The following GRM8 variants were observed in gnomAD, a reference collection of about 807,000 sequenced individuals.
GRM8 encodes metabotropic glutamate receptor 8.
GRM8 carries 47 observed loss-of-function variants against 87.2 expected under a neutral mutation model. That is an observed-to-expected ratio of 0.54 (90% confidence interval 0.43 to 0.69). The LOEUF (loss-of-function observed/expected upper bound fraction) is 0.69. GRM8 is among the 30% of genes least tolerant of loss of function. The pLI, the probability that GRM8 is intolerant of heterozygous loss-of-function variation, is 0.00. For missense variants in GRM8, 1,019 were observed against 1,139.2 expected, an observed-to-expected ratio of 0.89 and a Z score of 1.52; for synonymous variants, 396 against 404.5, an observed-to-expected ratio of 0.98 and a Z score of 0.25.
chr7:127,069,689 A>C (rs1821490459), intron 3 of GRM8, among the ~76,000 whole-genome samples: 3 of 152,208 alleles, frequency 2.0e-5, no homozygotes, highest in Admixed American at 2.0e-4. Context: ...GTGATATTCT[A>C]TATGCTGATT....
In GRM8 at chr7:126,685,228, G is replaced by T. The variant is rs190370054; in HGVS notation, c.1358-75730C>A. 7.4e-4 allele frequency among the ~76,000 whole-genome samples: 113 copies of T among 152,320 alleles called. 1 individual carries two copies. The highest frequency in any genetic ancestry group is 2.6e-3 in the African/African-American group (107 of 41,580). On this transcript the variant is annotated intron_variant, in intron 7 of 10. Coordinates refer to ENST00000339582, the MANE Select transcript of GRM8 (RefSeq NM_000845.3). The surrounding 1 kb of genome is among the most constrained non-coding windows in gnomAD (Gnocchi z 4.2). ...GGGACCCCCTGGAGCCTACCACCCT[G>T]GGGGCCACCATGATGGGGCCGGGCC...
intron 3 of GRM8, among the ~76,000 whole-genome samples, chr7:126,914,471 T>A (rs1803658460): frequency 6.6e-6 from 1 of 152,168 alleles, no homozygotes; most frequent in African/African-American, 2.4e-5. Flanking sequence ...CATGCACCTA[T>A]ATGTTCCCCA....
At chr7:127,166,218 A>T (rs1160710217) in intron 2 of GRM8, among the ~76,000 whole-genome samples, 1 of 152,150 alleles carries the variant, frequency 6.6e-6, no homozygotes, top group Non-Finnish European at 1.5e-5. Context: ...GAAGCAATAA[A>T]TATAAATAAA....
intron 6 of GRM8, among the ~76,000 whole-genome samples, chr7:126,816,971 C>A (rs1322084897): frequency 1.3e-5 from 2 of 151,906 alleles, no homozygotes; most frequent in African/African-American, 2.4e-5. Flanking sequence ...CATTATATAT[C>A]TTTAAGAAAT....
intron 3 of GRM8, among the ~76,000 whole-genome samples, chr7:127,006,463 T>C (rs182963618): frequency 1.3e-5 from 2 of 152,144 alleles, no homozygotes; most frequent in Non-Finnish European, 2.9e-5. Context: ...GGGTATCTAC[T>C]CTACCCGCTT....
chr7:127,105,037 T>C (rs1344393473), intron 3 of GRM8, among the ~76,000 whole-genome samples: 2 of 152,218 alleles, frequency 1.3e-5, no homozygotes, highest in Admixed American at 6.5e-5. Flanking sequence ...ACATACTCTA[T>C]TAGTTTTCTC....
intron 2 of GRM8, among the ~76,000 whole-genome samples, chr7:127,129,808 T>TGGACC (rs1827576816): frequency 6.6e-6 from 1 of 152,216 alleles, no homozygotes; most frequent in South Asian, 2.1e-4. Flanking sequence ...TTTCTGAATT[T>TGGACC]GGACCGCTGT....
chr7:127,161,282 G>A (rs1793099579), intron 2 of GRM8, among the ~76,000 whole-genome samples: 1 of 152,130 alleles, frequency 6.6e-6, no homozygotes. Flanking sequence ...AAAGAGGAGG[G>A]AAACATCAAG....
chr7:127,095,051 G>A (rs1824505735), intron 3 of GRM8, among the ~76,000 whole-genome samples: 1 of 152,170 alleles, frequency 6.6e-6, no homozygotes, highest in Non-Finnish European at 1.5e-5. Context: ...GAGAATAAAG[G>A]CAGAAGAGGA....
At chr7:126,947,350 T>C in intron 3 of GRM8, among the ~76,000 whole-genome samples, 1 of 152,176 alleles carries the variant, frequency 6.6e-6, no homozygotes, top group Non-Finnish European at 1.5e-5. Flanking sequence ...CCCTTGTATA[T>C]ATTATCAGTC....
intron 9 of GRM8, among the ~76,000 whole-genome samples, chr7:126,517,557 G>T (rs1481980472): frequency 1.3e-5 from 2 of 152,042 alleles, no homozygotes; most frequent in African/African-American, 4.8e-5. Flanking sequence ...TAAACTGAAT[G>T]TGATTTAATT....
chr7:126,913,806 C>T (rs1363773385), intron 3 of GRM8, among the ~76,000 whole-genome samples: 2 of 152,168 alleles, frequency 1.3e-5, no homozygotes, highest in African/African-American at 2.4e-5. Context: ...CAGGAAAGTG[C>T]ACAACATGAA....
rs180886173 is a variant in GRM8, at chr7:126,609,362, T to G, written c.1494A>C (p.Lys498Asn). Reference protein sequence around the residue: ...IGHWTNQLHLKVEDMQWAHRE... With the variant: ...IGHWTNQLHLNVEDMQWAHRE... ...AATATATGTTTATGACGATACTTGC[T>G]TTTAGATGAAGCTGATTGGTCCAGT... Residue 498 changes from lysine (K) to asparagine (N), a missense_variant and splice_region_variant, in exon 8 of 11, where the codon AAA (lysine) becomes AAC (asparagine). Coordinates refer to ENST00000339582, the MANE Select transcript of GRM8 (RefSeq NM_000845.3). The G allele has an allele frequency of 6.2e-7, 1 of 1,612,382 alleles. No homozygotes were observed. The highest frequency in any genetic ancestry group is 8.5e-7 in the Non-Finnish European group (1 of 1,178,742).
At chr7:127,097,635 T>C (rs1197060218) in intron 3 of GRM8, among the ~76,000 whole-genome samples, 1 of 152,200 alleles carries the variant, frequency 6.6e-6, no homozygotes, top group South Asian at 2.1e-4. Flanking sequence ...TAGTAATACC[T>C]GATATTAAGT....
chr7:127,105,040 G>GT (rs1228048562), intron 3 of GRM8, among the ~76,000 whole-genome samples: 1 of 152,136 alleles, frequency 6.6e-6, no homozygotes, highest in African/African-American at 2.4e-5. Context: ...TACTCTATTA[G>GT]TTTTCTCCTC....
intron 3 of GRM8, among the ~76,000 whole-genome samples, chr7:127,011,741 T>A (rs983033282): frequency 6.6e-6 from 1 of 152,172 alleles, no homozygotes; most frequent in Non-Finnish European, 1.5e-5. Flanking sequence ...ATTAAAATCT[T>A]ACAGAAAGAT....
At chr7:126,601,783 G>T (rs1460056110) in intron 8 of GRM8, among the ~76,000 whole-genome samples, 2 of 145,144 alleles carry the variant, frequency 1.4e-5, no homozygotes, top group African/African-American at 5.0e-5. Flanking sequence ...GGGGTTGTTT[G>T]TTTTTTTCTT....
chr7:126,962,193 T>G (rs1809388473), intron 3 of GRM8, among the ~76,000 whole-genome samples: 1 of 152,226 alleles, frequency 6.6e-6, no homozygotes, highest in Non-Finnish European at 1.5e-5. Context: ...CATTTTATAT[T>G]TTCTCCCTTA....
intron 7 of GRM8, among the ~76,000 whole-genome samples, chr7:126,709,462 C>T (rs530437796): frequency 1.3e-4 from 19 of 144,890 alleles, no homozygotes; most frequent in Admixed American, 2.8e-4. Context: ...AAGAAGAGGA[C>T]GAAAAAGAGG....
Sources: allele counts gnomAD v4.1 joint callset (sites outside exome capture counted in the v4.1 genomes callset), GRCh38; gene constraint gnomAD v4.1.1; non-coding constraint Gnocchi (gnomAD v3.1); transcripts MANE v1.5; gene names NCBI Gene and HGNC (gene_info 2026-07-23, HGNC 2026-07-21).